RBMS3: variants seen among roughly 807,000 people sequenced by gnomAD.
The protein encoded by RBMS3 is RNA-binding motif, single-stranded-interacting protein 3.
In RBMS3, 27 loss-of-function variants were observed where a neutral mutation model predicts 66.8. The observed-to-expected ratio is 0.40, with a 90% CI of 0.30 to 0.56. RBMS3 has a LOEUF of 0.56. Among genes scored for constraint, RBMS3 ranks in the 20% least tolerant of loss-of-function variants. RBMS3 has a pLI of 0.40. For missense variants in RBMS3, 513 were observed against 549.5 expected, an observed-to-expected ratio of 0.93 and a Z score of 0.66; for synonymous variants, 188 against 183.0, an observed-to-expected ratio of 1.03 and a Z score of -0.22.
At chr3:29,759,188 CTAGCTCCTCTTAG>C (rs889870537) in intron 5 of RBMS3, among the ~76,000 whole-genome samples, 3 of 151,862 alleles carry the variant, frequency 2.0e-5, no homozygotes, top group Admixed American at 2.0e-4. Context: ...GGCTGTTAAA[CTAGCTCCTCTTAG>C]TAGCTGTTTG....
At chr3:29,651,209 T>C (rs1015206912) in intron 4 of RBMS3, among the ~76,000 whole-genome samples, 3 of 152,206 alleles carry the variant, frequency 2.0e-5, no homozygotes, top group Non-Finnish European at 1.5e-5. Context: ...AGGTCTTGCA[T>C]AGGACTCTAC....
At chr3:29,395,977 A>G (rs9812126) in intron 1 of RBMS3, among the ~76,000 whole-genome samples, 3,382 of 152,310 alleles carry the variant, frequency 0.022, 58 homozygotes, top group Middle Eastern at 0.044. Context: ...ATATTTGCAT[A>G]GTTTTGAGGC....
At chr3:29,643,860 A>G (rs575128073) in intron 4 of RBMS3, among the ~76,000 whole-genome samples, 1 of 152,288 alleles carries the variant, frequency 6.6e-6, no homozygotes, top group Admixed American at 6.5e-5. Context: ...GGAAAAAGGA[A>G]AACACACACA....
intron 6 of RBMS3, among the ~76,000 whole-genome samples, chr3:29,842,374 C>A (rs1438879744): frequency 6.6e-6 from 1 of 152,114 alleles, no homozygotes; most frequent in East Asian, 1.9e-4. Flanking sequence ...ATAGACAGGA[C>A]ATAAACATTT....
At chr3:29,531,497 A>C (rs770533112) in intron 3 of RBMS3, among the ~76,000 whole-genome samples, 1 of 152,174 alleles carries the variant, frequency 6.6e-6, no homozygotes, top group African/African-American at 2.4e-5. Context: ...TTTTCACTTC[A>C]TTTATGAGGA....
intron 3 of RBMS3, among the ~76,000 whole-genome samples, chr3:29,503,183 T>G (rs1252053123): frequency 6.6e-6 from 1 of 152,142 alleles, no homozygotes; most frequent in Non-Finnish European, 1.5e-5. Context: ...TGTTTTGAAT[T>G]CATCCAGGCA....
chr3:29,810,068 T>C (rs1274585437), intron 6 of RBMS3, among the ~76,000 whole-genome samples: 1 of 152,114 alleles, frequency 6.6e-6, no homozygotes, highest in African/African-American at 2.4e-5. Flanking sequence ...GTCATTATGG[T>C]TAGAAATCTA....
At chr3:29,596,596 C>G (rs775329654) in intron 4 of RBMS3, among the ~76,000 whole-genome samples, 19 of 152,202 alleles carry the variant, frequency 1.2e-4, no homozygotes, top group Non-Finnish European at 1.9e-4. Flanking sequence ...GTCCCACATT[C>G]ACTAAGATAG....
At chr3:29,731,577 C>T (rs919508768) in intron 4 of RBMS3, among the ~76,000 whole-genome samples, 3 of 152,106 alleles carry the variant, frequency 2.0e-5, no homozygotes, top group Admixed American at 2.0e-4. Flanking sequence ...TCCCTTTGGT[C>T]TTTAATGCCT....
At chr3:29,527,235 G>C (rs1190613311) in intron 3 of RBMS3, among the ~76,000 whole-genome samples, 17 of 127,336 alleles carry the variant, frequency 1.3e-4, no homozygotes. Context: ...ACTTAAATGA[G>C]AACTATGCTA....
At chr3:29,518,347 G>A (rs1157947989) in intron 3 of RBMS3, among the ~76,000 whole-genome samples, 3 of 152,192 alleles carry the variant, frequency 2.0e-5, no homozygotes, top group Non-Finnish European at 4.4e-5. Context: ...GAGTTATCAT[G>A]TCATGGCATT....
intron 3 of RBMS3, among the ~76,000 whole-genome samples, chr3:29,584,235 A>C (rs2047431695): frequency 6.6e-6 from 1 of 152,104 alleles, no homozygotes; most frequent in Admixed American, 6.6e-5. Flanking sequence ...ATACTTTCTT[A>C]CCTTGGATTT....
intron 14 of RBMS3, among the ~76,000 whole-genome samples, chr3:29,993,919 G>A (rs1337031703): frequency 6.6e-6 from 1 of 152,198 alleles, no homozygotes; most frequent in African/African-American, 2.4e-5. Context: ...TCTGTATCGG[G>A]GGGAGGAACC....
chr3:29,438,930 G>A (rs1033650983), intron 2 of RBMS3, among the ~76,000 whole-genome samples: 2 of 152,154 alleles, frequency 1.3e-5, no homozygotes, highest in Non-Finnish European at 2.9e-5. Context: ...AGATTTTTTA[G>A]CACAAGATTA....
chr3:29,991,101 C>G lies in RBMS3; in HGVS notation c.1199C>G (p.Ser400Cys). Residue 400 changes from serine to cysteine, a missense_variant, in exon 14 of 15, where the codon TCT (serine) becomes TGT (cysteine). By Grantham distance (112) the Ser-to-Cys change is moderately radical. Coordinates refer to ENST00000383767, the MANE Select transcript of RBMS3 (RefSeq NM_001003793.3). ...VSIEGVVADT[S>C]PQTVAPSSQD... is the part of the protein sequence containing the mutation. ...CCTTAGGGTGTTGTTGCTGATACCT[C>G]TCCCCAGACAGTGGCACCTTCATCC... The G allele has an allele frequency of 1.2e-6, 2 of 1,614,142 alleles. No homozygotes were observed. The highest frequency in any genetic ancestry group is 1.7e-6 in the Non-Finnish European group (2 of 1,180,040).
intron 4 of RBMS3, among the ~76,000 whole-genome samples, chr3:29,707,391 G>A (rs1037759348): frequency 1.3e-5 from 2 of 152,204 alleles, no homozygotes; most frequent in African/African-American, 2.4e-5. Context: ...TGTAAAATCA[G>A]GGATTAATGA....
At chr3:29,541,027 C>T (rs969167144) in intron 3 of RBMS3, among the ~76,000 whole-genome samples, 1 of 152,150 alleles carries the variant, frequency 6.6e-6, no homozygotes, top group African/African-American at 2.4e-5. Context: ...AACTGAGACA[C>T]AGAAAACTAC....
intron 1 of RBMS3, among the ~76,000 whole-genome samples, chr3:29,415,663 A>C (rs9861736): frequency 0.021 from 3,213 of 152,266 alleles, 123 homozygotes; most frequent in African/African-American, 0.073. Flanking sequence ...TGTGAAGTGA[A>C]GTGCTCTGAA....
At chr3:29,964,639 TC>T (rs1696711208) in intron 12 of RBMS3, among the ~76,000 whole-genome samples, 1 of 152,182 alleles carries the variant, frequency 6.6e-6, no homozygotes, top group African/African-American at 2.4e-5. Flanking sequence ...CTCGGGAGTC[TC>T]CCAACTCCTT....
Sources: allele counts gnomAD v4.1 joint callset (sites outside exome capture counted in the v4.1 genomes callset), GRCh38; gene constraint gnomAD v4.1.1; transcripts MANE v1.5; gene names NCBI Gene and HGNC (gene_info 2026-07-23, HGNC 2026-07-21).